GALNT5: variants seen among roughly 807,000 people sequenced by gnomAD.
GALNT5 encodes polypeptide N-acetylgalactosaminyltransferase 5.
Under a neutral mutation model 85.4 loss-of-function variants are expected in GALNT5, and 72 were observed. That is an observed-to-expected ratio of 0.84 (90% CI 0.70 to 1.03). GALNT5 has a LOEUF of 1.03. Ranked by LOEUF, GALNT5 falls within the 50% of genes least tolerant of loss-of-function variation. GALNT5 has a pLI of 0.00. For missense variants in GALNT5, 1,137 were observed against 1,135.5 expected (o/e 1.00, Z -0.02); for synonymous variants, 404 against 397.0 (o/e 1.02, Z -0.21).
At chr2:157,307,367 T>C (rs1395346479) in intron 8 of GALNT5, among the ~76,000 whole-genome samples, 1 of 152,240 alleles carries the variant, frequency 6.6e-6, no homozygotes, top group East Asian at 1.9e-4. Context: ...GATTGAATCA[T>C]CAAGCTCTAT....
intron 4 of GALNT5, 53 bp from the exon 5 acceptor site, chr2:157,296,341 A>AT: frequency 7.0e-7 from 1 of 1,431,514 alleles, no homozygotes; most frequent in Non-Finnish European, 9.8e-7. Flanking sequence ...GATAAAGTAT[A>AT]TAAAGATGTA....
At chr2:157,276,170 C>T (rs1014986414) in intron 1 of GALNT5, among the ~76,000 whole-genome samples, 1 of 152,174 alleles carries the variant, frequency 6.6e-6, no homozygotes. Flanking sequence ...AGGGATGAAA[C>T]CAACTTGATC....
Position 157,293,753 on chromosome 2 carries a change from A to C in GALNT5, c.1742-1910A>C, listed in dbSNP as rs183085993. Among the ~76,000 whole-genome samples, 125 of 151,878 alleles carry C rather than the reference A, an allele frequency of 8.2e-4. 1 individual carries two copies. Among genetic ancestry groups the C allele is most frequent in the African/African-American group, 2.8e-3 (117 of 41,560 alleles). On this transcript the variant is annotated intron_variant, in intron 3 of 9. Coordinates refer to ENST00000259056, the MANE Select transcript of GALNT5 (RefSeq NM_014568.3). ...AATTAATACGATGCTAAATTCTATT[A>C]ATTGAGAGGTAGTTTGCAGATTTCA...
Position 157,257,991 on chromosome 2 carries a change from T to C in GALNT5, c.-92T>C. On this transcript the variant is annotated 5_prime_UTR_variant, in exon 1 of 10. Transcript: ENST00000259056. ...GGGGGTCACTTTCTGGCAACTCTGC[T>C]GCTGCTGCTGCTGCTGCTGCTACTT... 7.2e-7 allele frequency: 1 copy of C among 1,397,312 alleles called. No homozygotes were observed. Among genetic ancestry groups the C allele is most frequent in the Non-Finnish European group, 1.0e-6 (1 of 1,001,648 alleles). 86.6% of individuals were successfully genotyped at this position (1,397,312 alleles called of 1,614,324 possible).
chr2:157,262,207 TAAAAAAA>T, intron 1 of GALNT5, among the ~76,000 whole-genome samples: 1 of 97,848 alleles, frequency 1.0e-5, no homozygotes, highest in African/African-American at 3.4e-5. Context: ...CCAAAAAATG[TAAAAAAA>T]AAAAAAAAAA....
intron 1 of GALNT5, among the ~76,000 whole-genome samples, chr2:157,265,131 G>A (rs918923830): frequency 3.9e-5 from 6 of 152,262 alleles, no homozygotes; most frequent in South Asian, 4.1e-4. Context: ...GTGTGTGCAC[G>A]TGCATGCATT....
chr2:157,273,437 C>T (rs904579714), intron 1 of GALNT5, among the ~76,000 whole-genome samples: 51 of 151,386 alleles, frequency 3.4e-4, no homozygotes, highest in African/African-American at 1.2e-3. Flanking sequence ...TATGATAGTT[C>T]ATAATTTGGT....
At chr2:157,264,088 T>C (rs534879694) in intron 1 of GALNT5, among the ~76,000 whole-genome samples, 1 of 152,252 alleles carries the variant, frequency 6.6e-6, no homozygotes, top group Non-Finnish European at 1.5e-5. Flanking sequence ...GTTCCATATT[T>C]AATCTTTTTT....
intron 3 of GALNT5, among the ~76,000 whole-genome samples, chr2:157,294,572 A>C (rs527334183): frequency 6.6e-6 from 1 of 152,162 alleles, no homozygotes; most frequent in Non-Finnish European, 1.5e-5. Context: ...AGCCGAGTGG[A>C]GGGTCTGAGA....
Position 157,259,116 on chromosome 2 carries a change from C to A in GALNT5, c.1034C>A (p.Thr345Lys). The A allele has an allele frequency of 6.8e-7, 1 of 1,472,178 alleles. No homozygotes were observed. The highest frequency in any genetic ancestry group is 9.0e-7 in the Non-Finnish European group (1 of 1,109,552). The allele number at this position is 1,472,178 out of a possible 1,614,324, so 91.2% of individuals were successfully genotyped here. A position where few individuals can be genotyped will look rare whatever the true frequency, so the allele number is the denominator to read the frequency against. ...GAGGTCTCTAATTCTAAAACCAAAACAATATTTCCTAAAGTATTGGGTAAA... is the reference window on the plus strand; with the variant it reads ...GAGGTCTCTAATTCTAAAACCAAAAAAATATTTCCTAAAGTATTGGGTAAA... ...PKEVSNSKTK[T>K]IFPKVLGKSQ... Residue 345 changes from threonine to lysine, a missense_variant, in exon 1 of 10, where the codon ACA (threonine) becomes AAA (lysine). Transcript: ENST00000259056.
Position 157,311,468 on chromosome 2 carries a change from A to T in GALNT5, c.*120A>T. ...TCAATTTTAATAACATTTGAATGGA[A>T]GATTTTTTATAAATCACAATATTTG... On this transcript the variant is annotated 3_prime_UTR_variant, in exon 10 of 10. Coordinates refer to ENST00000259056, the MANE Select transcript of GALNT5 (RefSeq NM_014568.3). The T allele has an allele frequency of 1.5e-6, 1 of 667,650 alleles. No individual in the cohort carries two copies. Among genetic ancestry groups the T allele is most frequent in the Non-Finnish European group, 2.4e-6 (1 of 410,010 alleles). The allele number at this position is 667,650 out of a possible 1,614,324, so 41.4% of individuals were successfully genotyped here.
chr2:157,293,827 G>C (rs1683153464), intron 3 of GALNT5, among the ~76,000 whole-genome samples: 1 of 152,152 alleles, frequency 6.6e-6, no homozygotes, highest in South Asian at 2.1e-4. Context: ...TGTTCTCTAA[G>C]CCTTCTCATA....
chr2:157,310,531 A>C (rs1683547304), intron 9 of GALNT5, among the ~76,000 whole-genome samples: 2 of 152,192 alleles, frequency 1.3e-5, no homozygotes, highest in Admixed American at 1.3e-4. Flanking sequence ...AAGTTTAAAA[A>C]CAACATGTGT....
At chr2:157,297,223 T>C (rs996795743) in intron 5 of GALNT5, among the ~76,000 whole-genome samples, 4 of 152,150 alleles carry the variant, frequency 2.6e-5, no homozygotes, top group African/African-American at 9.7e-5. Flanking sequence ...GCCCAGACCG[T>C]GCACCGAAGC....
intron 3 of GALNT5, among the ~76,000 whole-genome samples, chr2:157,295,280 C>T (rs968346430): frequency 6.6e-6 from 1 of 152,144 alleles, no homozygotes; most frequent in African/African-American, 2.4e-5. Flanking sequence ...TAAGGCCAAA[C>T]TTGTCATCTC....
intron 3 of GALNT5, among the ~76,000 whole-genome samples, chr2:157,295,399 T>G (rs2105155977): frequency 6.6e-6 from 1 of 152,308 alleles, no homozygotes; most frequent in East Asian, 1.9e-4. Context: ...CAAGTATTCT[T>G]TTCAGATTCT....
intron 1 of GALNT5, among the ~76,000 whole-genome samples, chr2:157,262,658 CAACAAT>C (rs149044021): frequency 0.22 from 33,045 of 150,428 alleles, 6,056 homozygotes; most frequent in African/African-American, 0.48. Flanking sequence ...ACAACAACAA[CAACAAT>C]AAAAAGGTAG....
chr2:157,290,055 A>G (rs911803241), intron 3 of GALNT5, among the ~76,000 whole-genome samples: 8 of 149,506 alleles, frequency 5.4e-5, no homozygotes, highest in Non-Finnish European at 1.2e-4. Flanking sequence ...CCTGGGCAAC[A>G]AGAGCAAAAT....
At position 157,316,344 on chromosome 2, in the gene GALNT5, C is replaced by T. The variant is rs917074464; in HGVS notation, c.*4996C>T. ...GCTTTTTATTAAAGGAAAAATCCACCGAGAACTATTTTACCCTTTCTAATG... is the reference window on the plus strand; with the variant it reads ...GCTTTTTATTAAAGGAAAAATCCACTGAGAACTATTTTACCCTTTCTAATG... On this transcript the variant is annotated 3_prime_UTR_variant, in exon 10 of 10. Transcript: ENST00000259056. 7.3e-5 allele frequency among the ~76,000 whole-genome samples: 11 copies of T among 151,630 alleles called. No individual in the cohort carries two copies. Among genetic ancestry groups the T allele is most frequent in the Non-Finnish European group, 1.3e-4 (9 of 67,932 alleles).
Sources: allele counts gnomAD v4.1 joint callset (sites outside exome capture counted in the v4.1 genomes callset), GRCh38; gene constraint gnomAD v4.1.1; transcripts MANE v1.5; gene names NCBI Gene and HGNC (gene_info 2026-07-23, HGNC 2026-07-21).